Variants in XRN2 observed in about 807,000 individuals in gnomAD.
The protein encoded by XRN2 is DHM1-like protein.
XRN2 carries 44 observed loss-of-function variants against 138.5 expected under a neutral mutation model. That is an observed-to-expected ratio of 0.32 (90% CI 0.25 to 0.41). The LOEUF (loss-of-function observed/expected upper bound fraction) is 0.41. Ranked by LOEUF, XRN2 falls within the 10% of genes least tolerant of loss-of-function variation. XRN2 has a pLI of 1.00. For synonymous variants in XRN2, 354 were observed against 369.4 expected, an observed-to-expected ratio of 0.96 and a Z score of 0.48; for missense variants, 937 against 1,169.3, an observed-to-expected ratio of 0.80 and a Z score of 2.90.
intron 1 of XRN2, among the ~76,000 whole-genome samples, chr20:21,325,719 C>A (rs2038117214): frequency 6.6e-6 from 1 of 152,180 alleles, no homozygotes; most frequent in South Asian, 2.1e-4. Flanking sequence ...CATTGATAAA[C>A]ACCTGCTGTG....
Position 21,333,475 on chromosome 20 carries a change from A to G in XRN2, c.859-69A>G, listed in dbSNP as rs560083900. On this transcript the variant is annotated intron_variant, in intron 9 of 29. Coordinates refer to ENST00000377191, the MANE Select transcript of XRN2 (RefSeq NM_012255.5). ...ATTGTGCGTTAGAAAAAGCCTTAAA[A>G]TTTGCTTGGTTGGAAAAAATTACTG... 220 of 1,528,070 alleles carry G rather than the reference A, an allele frequency of 1.4e-4. No homozygotes were observed. The South Asian group carries it at 2.3e-3, about 16-fold the overall frequency. 94.7% of individuals were successfully genotyped at this position (1,528,070 alleles called of 1,614,324 possible).
intron 1 of XRN2, among the ~76,000 whole-genome samples, chr20:21,324,232 G>A (rs879719167): frequency 1.3e-5 from 2 of 151,720 alleles, no homozygotes; most frequent in Non-Finnish European, 2.9e-5. Context: ...TTCACAGCAT[G>A]TATGTACAGA....
intron 1 of XRN2, among the ~76,000 whole-genome samples, chr20:21,309,488 C>CGGCCCAGCACAAATTCGTA (rs2122158618): frequency 6.6e-6 from 1 of 152,242 alleles, no homozygotes; most frequent in East Asian, 1.9e-4. Flanking sequence ...GCTTTGAATG[C>CGGCCCAGCACAAATTCGTA]GGCCCAGCAC....
In XRN2 at chr20:21,303,472, A is replaced by C; in HGVS notation, c.74A>C (p.Lys25Thr). 6.5e-7 allele frequency: 1 copy of C among 1,540,270 alleles called. No homozygotes were observed. Among genetic ancestry groups the C allele is most frequent in the East Asian group, 2.6e-5 (1 of 39,084 alleles). ...ATCATAGTCAACTGCGTGGAAGAGA[A>C]GGTGAGGAGGCGCCAGGCGGCCGCC... ...PSIIVNCVEE[K>T]PKECNGVKIP... The change falls in exon 1 of 30, where the codon AAG (lysine) becomes ACG (threonine). Residue 25 changes from lysine (K) to threonine (T), a missense_variant and splice_region_variant. Transcript: ENST00000377191.
chr20:21,368,822 G>A (rs1043127354), intron 27 of XRN2, among the ~76,000 whole-genome samples: 10 of 152,068 alleles, frequency 6.6e-5, no homozygotes, highest in Admixed American at 3.3e-4. Context: ...GGGAACATGA[G>A]ATATTTTGAC....
At chr20:21,385,043 T>C (rs938850537) in intron 28 of XRN2, among the ~76,000 whole-genome samples, 2 of 152,224 alleles carry the variant, frequency 1.3e-5, no homozygotes, top group African/African-American at 2.4e-5. Context: ...ATAAAAATTA[T>C]ATTTGTCAAA....
intron 20 of XRN2, among the ~76,000 whole-genome samples, chr20:21,350,258 G>A (rs1467754374): frequency 1.3e-5 from 2 of 152,072 alleles, no homozygotes; most frequent in Non-Finnish European, 2.9e-5. Context: ...CGGGCGCAGT[G>A]GCTCGCGCCT....
At chr20:21,375,215 TTTA>T (rs1448272262) in intron 27 of XRN2, among the ~76,000 whole-genome samples, 1 of 151,458 alleles carries the variant, frequency 6.6e-6, no homozygotes, top group East Asian at 1.9e-4. Context: ...CCTATTTAAT[TTTA>T]TTGTTTTTTT....
At chr20:21,364,611 A>G (rs1203579304) in intron 24 of XRN2, among the ~76,000 whole-genome samples, 4 of 152,140 alleles carry the variant, frequency 2.6e-5, no homozygotes, top group African/African-American at 9.7e-5. Context: ...GTTCAAGGCC[A>G]TCCTGGGCCA....
At chr20:21,318,314 T>C (rs1223957198) in intron 1 of XRN2, among the ~76,000 whole-genome samples, 1 of 152,198 alleles carries the variant, frequency 6.6e-6, no homozygotes, top group East Asian at 1.9e-4. Flanking sequence ...CCCTCTTTTT[T>C]CTTTCATCAG....
chr20:21,377,355 C>T (rs1396445595), intron 27 of XRN2, among the ~76,000 whole-genome samples: 1 of 135,956 alleles, frequency 7.4e-6, no homozygotes, highest in African/African-American at 2.7e-5. Context: ...CTTCCAGGTT[C>T]AAGTGATTCT....
intron 1 of XRN2, among the ~76,000 whole-genome samples, chr20:21,309,596 C>A (rs1019298449): frequency 6.6e-6 from 1 of 152,026 alleles, no homozygotes; most frequent in African/African-American, 2.4e-5. Flanking sequence ...TGGCCCAAGA[C>A]AATTCTTCTT....
chr20:21,331,398 T>TCCAC (rs1568574884), intron 6 of XRN2, among the ~76,000 whole-genome samples, 163 bp from the exon 7 acceptor site: 31 of 94,252 alleles, frequency 3.3e-4, no homozygotes, highest in African/African-American at 1.1e-3. Flanking sequence ...TTTGGTGTTT[T>TCCAC]TCACACACAC....
chr20:21,343,967 A>G, intron 15 of XRN2, 123 bp from the exon 16 acceptor site: 1 of 644,992 alleles, frequency 1.6e-6, no homozygotes, highest in Non-Finnish European at 2.7e-6. Flanking sequence ...TATGTTTACC[A>G]TCTCTATGTA....
intron 27 of XRN2, among the ~76,000 whole-genome samples, chr20:21,381,748 ATG>A (rs2038887300): frequency 6.6e-6 from 1 of 151,800 alleles, no homozygotes; most frequent in East Asian, 1.9e-4. Flanking sequence ...ACACAGGATT[ATG>A]TGAGTTTAGT....
At chr20:21,355,927 CTT>C (rs2038570703) in intron 21 of XRN2, among the ~76,000 whole-genome samples, 151 bp from the exon 22 acceptor site, 1 of 152,164 alleles carries the variant, frequency 6.6e-6, no homozygotes, top group African/African-American at 2.4e-5. Flanking sequence ...AGAACTTACT[CTT>C]GTCTAACCTA....
chr20:21,370,794 A>C (rs1278120190), intron 27 of XRN2, among the ~76,000 whole-genome samples: 1 of 152,204 alleles, frequency 6.6e-6, no homozygotes, highest in East Asian at 1.9e-4. Context: ...ATTGATTTTA[A>C]ATTGTGTCCC....
intron 13 of XRN2, among the ~76,000 whole-genome samples, 161 bp downstream of exon 13, chr20:21,334,346 G>A (rs1174355019): frequency 6.6e-6 from 1 of 152,166 alleles, no homozygotes; most frequent in Non-Finnish European, 1.5e-5. Flanking sequence ...ATTTTATAAA[G>A]GTTGTGCTGC....
intron 24 of XRN2, among the ~76,000 whole-genome samples, chr20:21,363,343 G>T (rs1248041900): frequency 6.6e-6 from 1 of 151,856 alleles, no homozygotes; most frequent in Non-Finnish European, 1.5e-5. Flanking sequence ...TGCTAAAAAC[G>T]CCCTGCTGAA....
Sources: allele counts gnomAD v4.1 joint callset (sites outside exome capture counted in the v4.1 genomes callset), GRCh38; gene constraint gnomAD v4.1.1; transcripts MANE v1.5; gene names NCBI Gene and HGNC (gene_info 2026-07-23, HGNC 2026-07-21).